Variants in RAET1L observed in about 807,000 individuals in gnomAD.
RAET1L encodes the protein UL16-binding protein 6.
RAET1L carries 16 observed loss-of-function variants against 23.9 expected under a neutral mutation model. The observed-to-expected ratio is 0.67, with a 90% CI of 0.45 to 1.02. RAET1L has a LOEUF of 1.02. RAET1L is among the 50% of genes least tolerant of loss of function. RAET1L has a pLI of 0.00. For missense variants in RAET1L, 233 were observed against 304.0 expected (o/e 0.77, Z 1.74); for synonymous variants, 70 against 111.2 (o/e 0.63, Z 2.33).
In RAET1L at chr6:150,021,043, C is replaced by T. The variant is rs1403415942; in HGVS notation, c.493G>A (p.Ala165Thr). 1.9e-6 allele frequency: 3 copies of T among 1,614,168 alleles called. No individual in the cohort carries two copies. Among genetic ancestry groups the T allele is most frequent in the South Asian group, 2.2e-5 (2 of 91,068 alleles). Reference sequence around the variant, plus strand: ...TCCCACTTTTCTTTCATCTTTCTGGCTCCAGGATGAACCGTTGTCCACATT... The same window carrying T: ...TCCCACTTTTCTTTCATCTTTCTGGTTCCAGGATGAACCGTTGTCCACATT... ...KRMWTTVHPG[A>T]RKMKEKWEND... is the part of the protein sequence containing the mutation. Residue 165 changes from alanine (A) to threonine (T), a missense_variant, in exon 3 of 5, where the codon GCC (alanine) becomes ACC (threonine). Around this residue, in one of 4 missense-constraint regions of RAET1L, gnomAD observed 139 missense variants for 125.3 expected, o/e 1.11. Transcript: ENST00000367341.
In RAET1L at chr6:150,021,129, C is replaced by A; in HGVS notation, c.407G>T (p.Ser136Ile). ...ATCGATACTGAACTGCCAAGATCCA[C>A]TGCTGTGTCCTTCAGCTTTCTGCTC... ...SCEQKAEGHS[S>I]GSWQFSIDGQ... The change falls in exon 3 of 5, where the codon AGT becomes ATT. Residue 136 changes from serine (S) to isoleucine (I), a missense_variant. Physicochemically the swap from Ser to Ile is moderately radical, Grantham distance 142. Around this residue, in one of 4 missense-constraint regions of RAET1L, gnomAD observed 139 missense variants for 125.3 expected, o/e 1.11. Coordinates refer to ENST00000367341, the MANE Select transcript of RAET1L (RefSeq NM_130900.3). The A allele has an allele frequency of 1.2e-6, 2 of 1,614,162 alleles. No homozygotes were observed. The highest frequency in any genetic ancestry group is 2.2e-5 in the South Asian group (2 of 91,084).
At chr6:150,023,916 C>G (rs1254282554) in intron 1 of RAET1L, among the ~76,000 whole-genome samples, 1 of 152,190 alleles carries the variant, frequency 6.6e-6, no homozygotes, top group Non-Finnish European at 1.5e-5. Context: ...TTCCTGAAGG[C>G]CTCAGAGCTG....
At chr6:150,024,065 T>C (rs1582849395) in intron 1 of RAET1L, among the ~76,000 whole-genome samples, 4 of 151,944 alleles carry the variant, frequency 2.6e-5, no homozygotes, top group Non-Finnish European at 2.9e-5. Context: ...TTGGACCTGA[T>C]CCCCAGGACA....
At chr6:150,021,865 T>A in intron 2 of RAET1L, 115 bp downstream of exon 2, 1 of 1,289,924 alleles carries the variant, frequency 7.8e-7, no homozygotes, top group South Asian at 1.4e-5. Flanking sequence ...GTGCTGGGAC[T>A]ACAGGCGTGA....
At chr6:150,019,569 T>TTAATTACTGGAACCTAAGCC (rs71010878) in intron 4 of RAET1L, among the ~76,000 whole-genome samples, 1 of 134,366 alleles carries the variant, frequency 7.4e-6, no homozygotes. Flanking sequence ...ACCTTCCACC[T>TTAATTACTGGAACCTAAGCC]ACTTTCTGTG....
intron 2 of RAET1L, among the ~76,000 whole-genome samples, chr6:150,021,521 G>C (rs550841053): frequency 2.1e-5 from 3 of 144,644 alleles, no homozygotes; most frequent in Non-Finnish European, 4.6e-5. Flanking sequence ...GGATGGTCTC[G>C]ATCTCTTGAC....
chr6:150,019,117 G>A (rs1464434514), intron 4 of RAET1L, among the ~76,000 whole-genome samples: 2 of 152,138 alleles, frequency 1.3e-5, no homozygotes, highest in African/African-American at 2.4e-5. Context: ...TGATGGGTCC[G>A]CTCCCTCACT....
In RAET1L at chr6:150,025,406, C is replaced by G. The variant is rs200401216; in HGVS notation, c.66G>C (p.Trp22Cys). 1.2e-4 allele frequency: 198 copies of G among 1,613,982 alleles called. No homozygotes were observed. The highest frequency in any genetic ancestry group is 8.3e-4 in the Middle Eastern group (5 of 6,052). Residue 22 changes from tryptophan (W) to cysteine (C), a missense_variant, in exon 1 of 5, where the codon TGG (tryptophan) becomes TGC (cysteine). Coordinates refer to ENST00000367341, the MANE Select transcript of RAET1L (RefSeq NM_130900.3). ...CLPLLFLLFG[W>C]SRARRDDPHS... ...GCTCACCGTCTCGCCTAGCCCGGGACCAGCCGAACAGCAGGAACAGAAGCG... is the reference window on the plus strand; with the variant it reads ...GCTCACCGTCTCGCCTAGCCCGGGAGCAGCCGAACAGCAGGAACAGAAGCG...
Position 150,025,466 on chromosome 6 carries a change from T to C in RAET1L, c.6A>G (p.Ala2=). ...GAAGCAAAGCTGGGATGGCGGCTGC[T>C]GCCATTGGGGACCAGGAGGGCTGGG... M[A]AAAIPALLLC... Residue 2 remains alanine (A), a synonymous_variant, in exon 1 of 5, where the codon GCA becomes GCG. Coordinates refer to ENST00000367341, the MANE Select transcript of RAET1L (RefSeq NM_130900.3). The C allele has an allele frequency of 6.2e-7, 1 of 1,613,766 alleles. No homozygotes were observed. The highest frequency in any genetic ancestry group is 8.5e-7 in the Non-Finnish European group (1 of 1,179,680).
intron 2 of RAET1L, 63 bp from the exon 3 acceptor site, chr6:150,021,249 C>T (rs1486985978): frequency 1.7e-5 from 27 of 1,544,360 alleles, no homozygotes; most frequent in Non-Finnish European, 2.2e-5. Flanking sequence ...ATCCTGTTCC[C>T]CTTACAATTT....
intron 1 of RAET1L, among the ~76,000 whole-genome samples, chr6:150,023,203 T>C (rs1779908087): frequency 6.6e-6 from 1 of 151,808 alleles, no homozygotes; most frequent in Non-Finnish European, 1.5e-5. Context: ...ACCTCAGTTA[T>C]ACAAAGTTAT....
intron 2 of RAET1L, among the ~76,000 whole-genome samples, chr6:150,021,399 C>T (rs1582848083): frequency 7.3e-6 from 1 of 136,514 alleles, no homozygotes; most frequent in African/African-American, 2.8e-5. Flanking sequence ...AGTGCAGTGG[C>T]GCGATCTCGG....
intron 1 of RAET1L, 54 bp downstream of exon 1, chr6:150,025,333 C>T: frequency 6.7e-7 from 1 of 1,487,656 alleles, no homozygotes; most frequent in Non-Finnish European, 9.3e-7. Flanking sequence ...CGCTGCAGTC[C>T]ACAGTCCCTC....
In RAET1L at chr6:150,020,898, C is replaced by A. The variant is rs765958269; in HGVS notation, c.631+7G>T. 6.2e-7 allele frequency: 1 copy of A among 1,612,678 alleles called. No individual in the cohort carries two copies. The highest frequency in any genetic ancestry group is 8.5e-7 in the Non-Finnish European group (1 of 1,179,212). The stretch of plus-strand genomic sequence containing the variant: ...TTTAAGATCCCCGTTTCTTTTTCTC[C>A]TGTTACCTCCTGCACTTGGCTCCAG... On this transcript the variant is annotated splice_region_variant and intron_variant, in intron 3 of 4. Transcript: ENST00000367341.
chr6:150,025,255 A>C, intron 1 of RAET1L, 132 bp downstream of exon 1: 4 of 690,338 alleles, frequency 5.8e-6, no homozygotes, highest in Non-Finnish European at 9.6e-6. Context: ...CAGGAGGGGA[A>C]CTGAGCTGGG....
chr6:150,021,546 A>G (rs575912034), intron 2 of RAET1L, among the ~76,000 whole-genome samples: 48 of 144,558 alleles, frequency 3.3e-4, no homozygotes, highest in South Asian at 2.3e-3. Context: ...TGATCCGCCT[A>G]CCTCAGCCTC....
At chr6:150,019,720 C>A (rs1779863519) in intron 4 of RAET1L, among the ~76,000 whole-genome samples, 1 of 143,100 alleles carries the variant, frequency 7.0e-6, no homozygotes, top group South Asian at 2.3e-4. Flanking sequence ...TGTAAAGCTA[C>A]CATGATGCAC....
chr6:150,021,837 C>A, intron 2 of RAET1L, 143 bp downstream of exon 2: 1 of 1,245,032 alleles, frequency 8.0e-7, no homozygotes, highest in South Asian at 1.4e-5. Context: ...TGTGATCGGC[C>A]CACCTCTACC....
intron 3 of RAET1L, 33 bp from the exon 4 acceptor site, chr6:150,020,272 T>A: frequency 8.7e-7 from 1 of 1,154,102 alleles, no homozygotes; most frequent in Non-Finnish European, 1.2e-6. Context: ...ACAACCCTTG[T>A]CCAGGCCCCA....
Sources: allele counts gnomAD v4.1 joint callset (sites outside exome capture counted in the v4.1 genomes callset), GRCh38; gene constraint gnomAD v4.1.1; regional missense constraint gnomAD v4.1.1; transcripts MANE v1.5; gene names NCBI Gene and HGNC (gene_info 2026-07-23, HGNC 2026-07-21).